Variants in DIP2B observed in about 807,000 individuals in gnomAD.
DIP2B encodes DIP2 acetate--CoA ligase B (putative), also known as disco-interacting protein 2 homolog B.
A neutral mutation model predicts 198.0 loss-of-function variants in DIP2B; 76 were observed. The observed-to-expected ratio is 0.38, with a 90% CI of 0.32 to 0.46. The LOEUF (loss-of-function observed/expected upper bound fraction) is 0.46. DIP2B is among the 20% of genes least tolerant of loss of function. The pLI is 0.99. For missense variants in DIP2B, 1,559 were observed against 1,978.4 expected, an observed-to-expected ratio of 0.79 and a Z score of 4.02; for synonymous variants, 701 against 739.1, an observed-to-expected ratio of 0.95 and a Z score of 0.84.
chr12:50,692,843 AAAAGC>A, intron 13 of DIP2B, 101 bp from the exon 14 acceptor site: 1 of 998,954 alleles, frequency 1.0e-6, no homozygotes, highest in Non-Finnish European at 1.5e-6. Flanking sequence ...ATCTAAAAGA[AAAAGC>A]AAACAAACAT....
chr12:50,719,898 TTATAA>T (rs1430239321), intron 25 of DIP2B, among the ~76,000 whole-genome samples: 2 of 147,512 alleles, frequency 1.4e-5, no homozygotes, highest in Non-Finnish European at 3.0e-5. Flanking sequence ...ATATATTACA[TTATAA>T]TATATAAATA....
intron 1 of DIP2B, among the ~76,000 whole-genome samples, chr12:50,582,330 A>G (rs1248952289): frequency 2.0e-5 from 3 of 151,386 alleles, no homozygotes; most frequent in African/African-American, 7.3e-5. Flanking sequence ...TTGTATTTTT[A>G]GTAGAGACGG....
intron 2 of DIP2B, among the ~76,000 whole-genome samples, chr12:50,628,231 C>T (rs114505325): frequency 2.0e-5 from 3 of 152,132 alleles, no homozygotes; most frequent in Admixed American, 6.5e-5. Context: ...ATTAGCCGGG[C>T]GTGGTGCTGC....
intron 3 of DIP2B, among the ~76,000 whole-genome samples, chr12:50,641,111 C>A (rs908931068): frequency 1.3e-5 from 2 of 152,174 alleles, no homozygotes; most frequent in Non-Finnish European, 2.9e-5. Context: ...AACCCCAGCA[C>A]TTTGGGAGGC....
intron 1 of DIP2B, among the ~76,000 whole-genome samples, chr12:50,607,716 AC>A (rs1958995706): frequency 6.6e-6 from 1 of 152,238 alleles, no homozygotes; most frequent in African/African-American, 2.4e-5. Flanking sequence ...TAGCTGTAGT[AC>A]AGCAAGCTCT....
At chr12:50,676,605 G>C (rs1938951509) in intron 7 of DIP2B, among the ~76,000 whole-genome samples, 1 of 152,166 alleles carries the variant, frequency 6.6e-6, no homozygotes, top group South Asian at 2.1e-4. Context: ...AATTGCATTG[G>C]CAGAATAGAA....
At chr12:50,680,605 T>C (rs1214036769) in intron 8 of DIP2B, 67 bp from the exon 9 acceptor site, 1 of 1,417,750 alleles carries the variant, frequency 7.1e-7, no homozygotes, top group African/African-American at 1.4e-5. Context: ...GATCTGAATG[T>C]TCTTTCATTG....
In DIP2B at chr12:50,745,829, T is replaced by G. The variant is rs1940333607; in HGVS notation, c.*990T>G. ...GATTTAGAGTGACTATGTAAGAATT[T>G]AGGATTTCCTCTTTTCCAGGCACAT... On this transcript the variant is annotated 3_prime_UTR_variant, in exon 38 of 38. Coordinates refer to ENST00000301180, the MANE Select transcript of DIP2B (RefSeq NM_173602.3). The G allele has an allele frequency of 6.6e-6, 1 of 152,286 alleles. No homozygotes were observed. The highest frequency in any genetic ancestry group is 6.5e-5 in the Admixed American group (1 of 15,280). The allele number at this position is 152,286 out of a possible 1,614,324, so 9.4% of individuals were successfully genotyped here. A position where few individuals can be genotyped will look rare whatever the true frequency, so the allele number is the denominator to read the frequency against.
chr12:50,589,034 A>C (rs1205698576), intron 1 of DIP2B, among the ~76,000 whole-genome samples: 1 of 151,606 alleles, frequency 6.6e-6, no homozygotes, highest in Non-Finnish European at 1.5e-5. Context: ...AATACAAAAA[A>C]TTAGCCGGGT....
At chr12:50,584,265 G>C (rs544103942) in intron 1 of DIP2B, among the ~76,000 whole-genome samples, 1 of 152,240 alleles carries the variant, frequency 6.6e-6, no homozygotes, top group South Asian at 2.1e-4. Flanking sequence ...TTTCCCCCTA[G>C]TCCTTTTTCA....
intron 1 of DIP2B, among the ~76,000 whole-genome samples, chr12:50,546,437 C>T (rs1379046440): frequency 6.6e-6 from 1 of 152,170 alleles, no homozygotes; most frequent in East Asian, 1.9e-4. Context: ...ATCAGTGATT[C>T]AGAAGTCCTG....
At chr12:50,532,880 G>A (rs1441081502) in intron 1 of DIP2B, among the ~76,000 whole-genome samples, 1 of 152,234 alleles carries the variant, frequency 6.6e-6, no homozygotes, top group Non-Finnish European at 1.5e-5. Flanking sequence ...AAAACGCAGA[G>A]AAACTTAAGC....
intron 16 of DIP2B, among the ~76,000 whole-genome samples, chr12:50,696,239 C>T (rs552005728): frequency 6.6e-6 from 1 of 152,334 alleles, no homozygotes; most frequent in South Asian, 2.1e-4. Context: ...AATCTATTGC[C>T]TGTCTCCCTA....
chr12:50,579,738 T>A (rs1958706668), intron 1 of DIP2B, among the ~76,000 whole-genome samples: 4 of 131,642 alleles, frequency 3.0e-5, no homozygotes, highest in Non-Finnish European at 4.7e-5. Flanking sequence ...CATGGACCCC[T>A]GTAATTTTGG....
chr12:50,620,473 G>A (rs533614078), intron 1 of DIP2B, among the ~76,000 whole-genome samples: 8 of 152,296 alleles, frequency 5.3e-5, no homozygotes, highest in African/African-American at 1.9e-4. Flanking sequence ...GTCTCACAGC[G>A]TGTGGGTCGC....
At chr12:50,580,936 G>A (rs1382584129) in intron 1 of DIP2B, among the ~76,000 whole-genome samples, 2 of 149,084 alleles carry the variant, frequency 1.3e-5, no homozygotes, top group African/African-American at 4.9e-5. Context: ...GGACCGACCC[G>A]GCTTTAGTCC....
chr12:50,719,571 G>A (rs1939794769), intron 25 of DIP2B, among the ~76,000 whole-genome samples: 1 of 152,174 alleles, frequency 6.6e-6, no homozygotes. Flanking sequence ...ACTGGGCACA[G>A]TGGCTCACAC....
At chr12:50,718,930 T>G in intron 24 of DIP2B, 25 bp from the exon 25 acceptor site, 2 of 1,613,998 alleles carry the variant, frequency 1.2e-6, no homozygotes, top group Non-Finnish European at 1.7e-6. Flanking sequence ...TGACCCTGAG[T>G]CCTTTTTCTG....
chr12:50,703,929 TTA>T (rs955138810), intron 19 of DIP2B, among the ~76,000 whole-genome samples: 2 of 150,272 alleles, frequency 1.3e-5, no homozygotes, highest in African/African-American at 2.4e-5. Context: ...TTTATATGTT[TTA>T]TATATATATT....
Sources: allele counts gnomAD v4.1 joint callset (sites outside exome capture counted in the v4.1 genomes callset), GRCh38; gene constraint gnomAD v4.1.1; transcripts MANE v1.5; gene names NCBI Gene and HGNC (gene_info 2026-07-23, HGNC 2026-07-21).